PRRC2B: variants seen among roughly 807,000 people sequenced by gnomAD.
PRRC2B encodes proline rich coiled-coil 2B, also known as protein PRRC2B.
In PRRC2B, 68 loss-of-function variants were observed where a neutral mutation model predicts 242.3. The ratio of observed to expected loss-of-function variants is 0.28; its 90% CI spans 0.23 to 0.34. PRRC2B has a LOEUF of 0.34. Ranked by LOEUF, PRRC2B falls within the 10% of genes least tolerant of loss-of-function variation. The pLI is 1.00. For missense variants in PRRC2B, 2,835 were observed against 2,954.8 expected, an observed-to-expected ratio of 0.96 and a Z score of 0.94; for synonymous variants, 1,228 against 1,173.6, an observed-to-expected ratio of 1.05 and a Z score of -0.95.
In PRRC2B at chr9:131,487,840, T is replaced by C. The variant is rs1376671083; in HGVS notation, c.5985-16T>C. 1 of 1,598,648 alleles carries C rather than the reference T, an allele frequency of 6.3e-7. No individual in the cohort carries two copies. Reference sequence around the variant, plus strand: ...ACTCATCCACCTGATCCCGACCATCTGTCTGGCTTTTGCAGATCTCAGGTG... The same window carrying C: ...ACTCATCCACCTGATCCCGACCATCCGTCTGGCTTTTGCAGATCTCAGGTG... On this transcript the variant is annotated splice_polypyrimidine_tract_variant and intron_variant, in intron 27 of 31. Coordinates refer to ENST00000683519, the MANE Select transcript of PRRC2B (RefSeq NM_013318.4). This position sits in a 1 kb window ranked among gnomAD's most constrained non-coding sequence, Gnocchi z 5.3.
At position 131,499,809 on chromosome 9, in the gene PRRC2B, CTG is replaced by C. The variant is rs1394792745; in HGVS notation, c.*3937_*3938del. ...TTTCTCCCGTGATCTAAAGGGGACA[CTG>C]TACTCAAGCTTTTGACCTCATGCCT... On this transcript the variant is annotated 3_prime_UTR_variant, in exon 32 of 32. Coordinates refer to ENST00000683519, the MANE Select transcript of PRRC2B (RefSeq NM_013318.4). The C allele has an allele frequency of 6.6e-6, 1 of 152,224 alleles. No homozygotes were observed. Among genetic ancestry groups the C allele is most frequent in the Non-Finnish European group, 1.5e-5 (1 of 68,040 alleles). 9.4% of individuals were successfully genotyped at this position (152,224 alleles called of 1,614,324 possible).
intron 10 of PRRC2B, 50 bp from the exon 11 acceptor site, chr9:131,459,114 A>C: frequency 6.4e-7 from 1 of 1,563,220 alleles, no homozygotes; most frequent in Non-Finnish European, 8.8e-7. Flanking sequence ...TGAGATCAGA[A>C]ATGCTTGGCC....
chr9:131,451,594 T>C (rs567775384), intron 9 of PRRC2B, among the ~76,000 whole-genome samples: 1 of 151,740 alleles, frequency 6.6e-6, no homozygotes, highest in Non-Finnish European at 1.5e-5. Flanking sequence ...GTATTTTGCC[T>C]TATTGCACTG....
At position 131,459,238 on chromosome 9, in the gene PRRC2B, G is replaced by A. The variant is rs374463246; in HGVS notation, c.1286G>A (p.Arg429Gln). 1.9e-5 allele frequency: 30 copies of A among 1,613,942 alleles called. No homozygotes were observed. The highest frequency in any genetic ancestry group is 1.3e-4 in the Admixed American group (8 of 60,026). Residue 429 changes from arginine (R) to glutamine (Q), a missense_variant, in exon 11 of 32, where the codon CGA (arginine) becomes CAA (glutamine). By Grantham distance (43) the Arg-to-Gln change is conservative. Coordinates refer to ENST00000683519, the MANE Select transcript of PRRC2B (RefSeq NM_013318.4). ...GACAGTGCGGACGCTAAGCGGACTCGAGAGGAAGGGAAGGACTGGGCTGAA... is the reference window on the plus strand; with the variant it reads ...GACAGTGCGGACGCTAAGCGGACTCAAGAGGAAGGGAAGGACTGGGCTGAA... ...SADSADAKRT[R>Q]EEGKDWAEAV...
intron 23 of PRRC2B, among the ~76,000 whole-genome samples, chr9:131,484,107 G>A (rs1269153843): frequency 2.0e-5 from 3 of 152,206 alleles, no homozygotes; most frequent in East Asian, 1.9e-4. Flanking sequence ...TTCTTTACTC[G>A]AGAGTCTGCG....
chr9:131,490,673 C>T (rs1395001578), intron 28 of PRRC2B: 2 of 501,764 alleles, frequency 4.0e-6, no homozygotes, highest in Non-Finnish European at 8.0e-6. Context: ...TAGTTAGGCC[C>T]TGCAGCTACC....
In PRRC2B at chr9:131,498,206, C is replaced by G. The variant is rs947680202; in HGVS notation, c.*2332C>G. The G allele has an allele frequency of 3.9e-5, 6 of 152,124 alleles. No homozygotes were observed. Among genetic ancestry groups the G allele is most frequent in the Non-Finnish European group, 7.3e-5 (5 of 68,036 alleles). The allele number at this position is 152,124 out of a possible 1,614,324, so 9.4% of individuals were successfully genotyped here. Reference sequence around the variant, plus strand: ...GGTATTTCCTTCCTTTCTCCTCCCCCACCCCAAATAAAAAAACAAAAAACA... The same window carrying G: ...GGTATTTCCTTCCTTTCTCCTCCCCGACCCCAAATAAAAAAACAAAAAACA... On this transcript the variant is annotated 3_prime_UTR_variant, in exon 32 of 32. Coordinates refer to ENST00000683519, the MANE Select transcript of PRRC2B (RefSeq NM_013318.4).
chr9:131,489,346 G>A (rs1213539399), intron 28 of PRRC2B, among the ~76,000 whole-genome samples: 4 of 151,684 alleles, frequency 2.6e-5, no homozygotes, highest in South Asian at 2.1e-4. Context: ...ACCACCCACC[G>A]GCTAATTTTT....
chr9:131,476,842 G>A (rs145805573), intron 16 of PRRC2B, among the ~76,000 whole-genome samples: 5 of 151,824 alleles, frequency 3.3e-5, no homozygotes, highest in Non-Finnish European at 5.9e-5. Flanking sequence ...AGCGAGGAAC[G>A]TTGCCTGTGC....
intron 1 of PRRC2B, among the ~76,000 whole-genome samples, chr9:131,429,117 T>C (rs1838054171): frequency 6.6e-6 from 1 of 152,128 alleles, no homozygotes; most frequent in Non-Finnish European, 1.5e-5. Flanking sequence ...TGGCTAATTT[T>C]TGTGTTTTCA....
chr9:131,443,289 AC>A (rs1838672256), intron 5 of PRRC2B, among the ~76,000 whole-genome samples: 2 of 150,634 alleles, frequency 1.3e-5, no homozygotes, highest in African/African-American at 2.4e-5. Context: ...GCCCGCCACC[AC>A]GTCTGGCTAA....
intron 12 of PRRC2B, 112 bp downstream of exon 12, chr9:131,465,190 A>G (rs1457906013): frequency 3.8e-6 from 4 of 1,055,316 alleles, no homozygotes; most frequent in Non-Finnish European, 5.4e-6. Context: ...TTACAACGAG[A>G]TCGTATTGGG....
rs759689093 is a variant in PRRC2B, at chr9:131,447,692, A to G, written c.1008A>G (p.Pro336=). 5.0e-6 allele frequency: 8 copies of G among 1,610,142 alleles called. No homozygotes were observed. In the Admixed American group the frequency reaches 8.4e-5, roughly 17 times the overall value. Residue 336 remains proline, a synonymous_variant, in exon 9 of 32, where the codon CCA becomes CCG. Transcript: ENST00000683519. ...AAAACAGGCTGGGATTGTCTCGCCC[A>G]CTCCGCCCACTAAGGCAGCTGGTGG... ...GKENRLGLSR[P]LRPLRQLVER... is the part of the protein sequence containing the mutation.
At chr9:131,390,648 A>G (rs1836888498), upstream of PRRC2B, among the ~76,000 whole-genome samples, 1 of 149,108 alleles carries the variant, frequency 6.7e-6, no homozygotes, top group African/African-American at 2.5e-5. Context: ...ACGCCTGGCT[A>G]ATTTTTTGTA....
chr9:131,407,160 A>G (rs1837386838), intron 1 of PRRC2B, among the ~76,000 whole-genome samples: 1 of 152,228 alleles, frequency 6.6e-6, no homozygotes, highest in African/African-American at 2.4e-5. Flanking sequence ...GCAGTGGCAT[A>G]GACTGGGTTT....
In PRRC2B at chr9:131,478,608, C is replaced by A; in HGVS notation, c.4747C>A (p.Gln1583Lys). 1 of 1,559,540 alleles carries A rather than the reference C, an allele frequency of 6.4e-7. No homozygotes were observed. The highest frequency in any genetic ancestry group is 1.5e-5 in the African/African-American group (1 of 67,558). Residue 1583 changes from glutamine (Q) to lysine (K), a missense_variant, in exon 18 of 32, where the codon CAG (glutamine) becomes AAG (lysine). This residue lies in a region of PRRC2B where 1,536 missense variants were observed against 1,483.1 expected (regional missense o/e 1.04). Transcript: ENST00000683519. ...GGAGGAAGAGAGAAGAAAGAAGGAG[C>A]AGGCCGTGCAGGTGAGGGGCGGAGG... ...LLEEERRKKE[Q>K]AVQVPVKGRG...
chr9:131,397,292 C>T (rs973927296), intron 1 of PRRC2B, among the ~76,000 whole-genome samples: 2 of 152,172 alleles, frequency 1.3e-5, no homozygotes, highest in South Asian at 2.1e-4. Context: ...ACTGTGTGGG[C>T]GTCCCATCTC....
At position 131,374,381 on chromosome 9, in the gene PRRC2B, C is replaced by T. The variant is rs149467314; in HGVS notation, c.-56+650C>T. ...TCACTTATCCAAGAGTTGCAGGTGA[C>T]GCCTTCTGTTTATGTTTATCTGTAT... is the stretch of plus-strand genomic sequence containing the variant. On this transcript the variant is annotated intron_variant, in intron 1 of 1. Coordinates refer to the PRRC2B transcript ENST00000682525. 4.7e-3 allele frequency among the ~76,000 whole-genome samples: 721 copies of T among 152,120 alleles called. 5 individuals are homozygous for T. Among genetic ancestry groups the T allele is most frequent in the African/African-American group, 0.017 (696 of 41,496 alleles).
intron 15 of PRRC2B, among the ~76,000 whole-genome samples, chr9:131,474,109 G>A (rs921986027): frequency 2.0e-5 from 3 of 152,120 alleles, no homozygotes; most frequent in African/African-American, 7.2e-5. Flanking sequence ...CCAGGCTCCA[G>A]CTTGCTCTTG....
Sources: allele counts gnomAD v4.1 joint callset (sites outside exome capture counted in the v4.1 genomes callset), GRCh38; gene constraint gnomAD v4.1.1; regional missense constraint gnomAD v4.1.1; non-coding constraint Gnocchi (gnomAD v3.1); transcripts MANE v1.5; gene names NCBI Gene and HGNC (gene_info 2026-07-23, HGNC 2026-07-21).